The following UQCRC2 variants were observed in gnomAD, a reference collection of about 807,000 sequenced individuals.
UQCRC2 encodes cytochrome b-c1 complex subunit 2, mitochondrial.
A neutral mutation model predicts 55.6 loss-of-function variants in UQCRC2; 49 were observed. That is an observed-to-expected ratio of 0.88 (90% CI 0.70 to 1.12). The LOEUF is 1.12. Ranked by LOEUF, UQCRC2 falls within the 50% of genes most tolerant of loss-of-function variation. The probability of loss-of-function intolerance (pLI) is 0.00; values close to 1 mark genes in which losing one functional copy is unlikely to be tolerated. For missense variants in UQCRC2, 506 were observed against 547.8 expected (o/e 0.92, Z 0.76); for synonymous variants, 193 against 192.0 (o/e 1.01, Z -0.04).
At chr16:21,981,195 A>T (rs909890916) in intron 13 of UQCRC2, among the ~76,000 whole-genome samples, 4 of 152,096 alleles carry the variant, frequency 2.6e-5, no homozygotes, top group African/African-American at 4.8e-5. Flanking sequence ...AGCCTAGGAC[A>T]TTCTCTTGTT....
intron 12 of UQCRC2, among the ~76,000 whole-genome samples, chr16:21,977,781 A>G (rs1399119090): frequency 1.3e-5 from 2 of 152,232 alleles, no homozygotes; most frequent in African/African-American, 2.4e-5. Flanking sequence ...GGGAAGCAGA[A>G]TTACAACCCA....
intron 7 of UQCRC2, among the ~76,000 whole-genome samples, chr16:21,967,728 A>G (rs1199859328): frequency 6.6e-6 from 1 of 152,108 alleles, no homozygotes; most frequent in Non-Finnish European, 1.5e-5. Flanking sequence ...TTGTTTTTCA[A>G]GCTGAGTAAT....
At chr16:21,955,458 G>T (rs1898072685) in intron 1 of UQCRC2, among the ~76,000 whole-genome samples, 1 of 152,146 alleles carries the variant, frequency 6.6e-6, no homozygotes, top group Non-Finnish European at 1.5e-5. Flanking sequence ...ATTGGGTCTT[G>T]GGAGCACCAA....
At chr16:21,970,756 T>A (rs1354969220) in intron 8 of UQCRC2, among the ~76,000 whole-genome samples, 1 of 152,096 alleles carries the variant, frequency 6.6e-6, no homozygotes, top group Admixed American at 6.5e-5. Flanking sequence ...TGGCTAATTT[T>A]TGTAATTTTA....
chr16:21,979,878 A>G (rs1440218023), intron 12 of UQCRC2, among the ~76,000 whole-genome samples: 1 of 152,188 alleles, frequency 6.6e-6, no homozygotes, highest in African/African-American at 2.4e-5. Flanking sequence ...CAAAAACATC[A>G]TTATGTAGTA....
chr16:21,972,921 G>A (rs937952169), intron 10 of UQCRC2, among the ~76,000 whole-genome samples: 2 of 152,144 alleles, frequency 1.3e-5, no homozygotes, highest in Non-Finnish European at 2.9e-5. Context: ...CTAACACAGT[G>A]AAACCCTGTC....
chr16:21,978,701 G>A (rs1174924574), intron 12 of UQCRC2, among the ~76,000 whole-genome samples: 4 of 152,156 alleles, frequency 2.6e-5, no homozygotes, highest in Non-Finnish European at 4.4e-5. Context: ...AAATAGTAAC[G>A]TAAACGGTTC....
At chr16:21,974,189 T>G (rs1898529087) in intron 11 of UQCRC2, among the ~76,000 whole-genome samples, 1 of 152,192 alleles carries the variant, frequency 6.6e-6, no homozygotes, top group Admixed American at 6.5e-5. Context: ...ATTGCCTCCT[T>G]CATGTTTTGG....
intron 7 of UQCRC2, among the ~76,000 whole-genome samples, chr16:21,965,893 A>G (rs1898313227): frequency 6.6e-6 from 1 of 152,166 alleles, no homozygotes; most frequent in Admixed American, 6.5e-5. Context: ...TGTGTTGCCT[A>G]GGCTGGTCTT....
chr16:21,957,844 C>G (rs1166763331), intron 3 of UQCRC2, among the ~76,000 whole-genome samples: 1 of 152,218 alleles, frequency 6.6e-6, no homozygotes, highest in Non-Finnish European at 1.5e-5. Context: ...CTGTTCCTAG[C>G]TTCCAGCAGT....
intron 6 of UQCRC2, among the ~76,000 whole-genome samples, chr16:21,964,604 T>C (rs1420048441): frequency 6.6e-6 from 1 of 152,216 alleles, no homozygotes; most frequent in Non-Finnish European, 1.5e-5. Flanking sequence ...CCTAAAATGC[T>C]GTTCCCAAAT....
intron 8 of UQCRC2, 130 bp downstream of exon 8, chr16:21,968,815 A>G (rs1898389731): frequency 1.6e-6 from 1 of 630,868 alleles, no homozygotes; most frequent in East Asian, 3.1e-5. Context: ...GACAGGCAAT[A>G]TATCATAGGA....
At chr16:21,975,201 C>A (rs1567478085) in intron 11 of UQCRC2, among the ~76,000 whole-genome samples, 1 of 151,960 alleles carries the variant, frequency 6.6e-6, no homozygotes, top group Non-Finnish European at 1.5e-5. Context: ...GGAGCATTGG[C>A]AAGAGTGATT....
chr16:21,975,650 C>T (rs2141944930), intron 11 of UQCRC2, among the ~76,000 whole-genome samples: 1 of 152,230 alleles, frequency 6.6e-6, no homozygotes, highest in Middle Eastern at 3.4e-3. Context: ...CCCTGGCTTA[C>T]AAAGTATGGA....
rs1437853222 is a variant in UQCRC2 at position 21,972,133 on chromosome 16, A to G, written c.966+11A>G. 6.2e-7 allele frequency: 1 copy of G among 1,609,418 alleles called. No individual in the cohort carries two copies. The highest frequency in any genetic ancestry group is 8.5e-7 in the Non-Finnish European group (1 of 1,177,568). ...CAGCAGCCATTTGATGTGAGTCTGA[A>G]CAGTTGGTATCTCTCTTTTTGCTTT... On this transcript the variant is annotated intron_variant, in intron 10 of 13. Transcript: ENST00000268379.
chr16:21,955,341 C>T (rs11646725), intron 1 of UQCRC2, among the ~76,000 whole-genome samples: 1 of 152,160 alleles, frequency 6.6e-6, no homozygotes, highest in South Asian at 2.1e-4. Context: ...AGCAGCCAAC[C>T]TAGTACAGCA....
chr16:21,975,761 G>A (rs1898568191), intron 11 of UQCRC2, among the ~76,000 whole-genome samples: 1 of 152,146 alleles, frequency 6.6e-6, no homozygotes. Flanking sequence ...GTCTGGGGAA[G>A]TTTTAAAGGT....
intron 11 of UQCRC2, among the ~76,000 whole-genome samples, chr16:21,975,862 G>T (rs890689373): frequency 5.9e-5 from 9 of 152,112 alleles, no homozygotes; most frequent in African/African-American, 2.2e-4. Flanking sequence ...AGGTTAAGGT[G>T]GGAGGATCAC....
intron 4 of UQCRC2, chr16:21,959,802 T>C (rs1336849095): frequency 6.6e-6 from 1 of 152,230 alleles, no homozygotes; most frequent in Non-Finnish European, 1.5e-5. Context: ...GAAGGGATGT[T>C]CTATTAGCAG....
Sources: gnomAD v4.1 joint callset for allele counts (sites outside exome capture counted in the v4.1 genomes callset) on GRCh38, gnomAD v4.1.1 for gene constraint, MANE v1.5 for transcripts, NCBI Gene and HGNC (gene_info 2026-07-23, HGNC 2026-07-21) for gene names.